Variants in PTPRD observed in about 807,000 individuals in gnomAD.
PTPRD encodes receptor-type tyrosine-protein phosphatase delta.
Under a neutral mutation model 214.5 loss-of-function variants are expected in PTPRD, and 34 were observed. That is an observed-to-expected ratio of 0.16 (90% CI 0.12 to 0.21). PTPRD has a LOEUF of 0.21. Among genes scored for constraint, PTPRD ranks in the 10% least tolerant of loss-of-function variants. PTPRD has a pLI of 1.00. For missense variants in PTPRD, 2,545 were observed against 2,398.7 expected, an observed-to-expected ratio of 1.06 and a Z score of -1.27; for synonymous variants, 1,128 against 845.7, an observed-to-expected ratio of 1.33 and a Z score of -5.79.
chr9:10,372,306 C>T (rs1248200206), intron 2 of PTPRD, among the ~76,000 whole-genome samples: 3 of 151,842 alleles, frequency 2.0e-5, no homozygotes, highest in Non-Finnish European at 4.4e-5. Flanking sequence ...TTGTTGTTTG[C>T]ATTATTTGAC....
At chr9:9,518,964 G>C (rs948635289) in intron 8 of PTPRD, among the ~76,000 whole-genome samples, 2 of 151,802 alleles carry the variant, frequency 1.3e-5, no homozygotes, top group Non-Finnish European at 2.9e-5. Flanking sequence ...TGTTCTTTCT[G>C]TATGTGGACC....
At chr9:9,745,789 T>A (rs994938009) in intron 6 of PTPRD, among the ~76,000 whole-genome samples, 1 of 152,094 alleles carries the variant, frequency 6.6e-6, no homozygotes, top group African/African-American at 2.4e-5. Flanking sequence ...TAAAGTGTGT[T>A]CCCTGACCCC....
chr9:8,606,274 G>C (rs148811414), intron 14 of PTPRD, among the ~76,000 whole-genome samples: 1 of 152,042 alleles, frequency 6.6e-6, no homozygotes, highest in African/African-American at 2.4e-5. Flanking sequence ...GTAGCCAATA[G>C]GCATGATTCT....
intron 9 of PTPRD, among the ~76,000 whole-genome samples, chr9:9,214,269 G>A (rs921676695): frequency 6.6e-6 from 1 of 152,264 alleles, no homozygotes; most frequent in African/African-American, 2.4e-5. Flanking sequence ...TGTGTTCCCC[G>A]ATATGGTCCA....
intron 14 of PTPRD, among the ~76,000 whole-genome samples, chr9:8,552,048 T>A (rs1056942561): frequency 2.2e-4 from 33 of 152,180 alleles, no homozygotes; most frequent in African/African-American, 7.7e-4. Flanking sequence ...ACCCACCATA[T>A]ATTTTAAAGG....
intron 5 of PTPRD, among the ~76,000 whole-genome samples, chr9:9,840,023 T>G (rs73398690): frequency 1.4e-3 from 206 of 151,948 alleles, no homozygotes; most frequent in African/African-American, 4.6e-3. Flanking sequence ...AATTTTATGG[T>G]TGGTTTTTAT....
intron 3 of PTPRD, among the ~76,000 whole-genome samples, chr9:10,271,861 C>A (rs1422309574): frequency 1.3e-5 from 2 of 151,952 alleles, no homozygotes; most frequent in Non-Finnish European, 2.9e-5. Context: ...TTTCTTATAT[C>A]ATTGGAATTC....
At chr9:10,523,688 C>A (rs1590045470) in intron 2 of PTPRD, among the ~76,000 whole-genome samples, 1 of 141,328 alleles carries the variant, frequency 7.1e-6, no homozygotes, top group African/African-American at 2.6e-5. Context: ...GAGAAAGCGG[C>A]TCTAATATGT....
chr9:9,691,747 A>G (rs1346097386), intron 7 of PTPRD, among the ~76,000 whole-genome samples: 2 of 152,006 alleles, frequency 1.3e-5, no homozygotes, highest in African/African-American at 4.8e-5. Flanking sequence ...CACCAATAGT[A>G]TACAAGGCTT....
At chr9:10,360,289 T>A in intron 2 of PTPRD, among the ~76,000 whole-genome samples, 1 of 152,254 alleles carries the variant, frequency 6.6e-6, no homozygotes, top group South Asian at 2.1e-4. Flanking sequence ...GTTATTGGAC[T>A]TTAATAAAAA....
intron 7 of PTPRD, among the ~76,000 whole-genome samples, chr9:9,601,004 C>A (rs2093704211): frequency 6.6e-6 from 1 of 151,666 alleles, no homozygotes. Flanking sequence ...TGAGAAATGG[C>A]TCAAAAATAT....
rs1471403047 is a variant in PTPRD, at chr9:8,525,124, C to T, written c.569-89G>A. On this transcript the variant is annotated intron_variant, in intron 17 of 45. Transcript: ENST00000381196. ...CTAAACCTCTTAACAATATGAAAAG[C>T]CCTGCAAAGCGAAGGTCCACTCAAC... The T allele has an allele frequency of 6.2e-6, 7 of 1,120,018 alleles. No individual in the cohort carries two copies. The African/African-American group carries it at 1.1e-4, about 17-fold the overall frequency. The allele number at this position is 1,120,018 out of a possible 1,614,324, so 69.4% of individuals were successfully genotyped here. A position where few individuals can be genotyped will look rare whatever the true frequency, so the allele number is the denominator to read the frequency against.
At chr9:9,874,100 TAG>T (rs1162655961) in intron 5 of PTPRD, among the ~76,000 whole-genome samples, 1 of 152,092 alleles carries the variant, frequency 6.6e-6, no homozygotes, top group East Asian at 1.9e-4. Context: ...CCTTGTAGAA[TAG>T]AGAGTGGTCT....
At chr9:8,728,004 T>C (rs1353062728) in intron 12 of PTPRD, among the ~76,000 whole-genome samples, 1 of 152,148 alleles carries the variant, frequency 6.6e-6, no homozygotes, top group African/African-American at 2.4e-5. Context: ...TCCCAGCAAT[T>C]TGGGAGGCCA....
At chr9:9,351,520 A>T (rs76697402) in intron 9 of PTPRD, among the ~76,000 whole-genome samples, 1,836 of 152,114 alleles carry the variant, frequency 0.012, 34 homozygotes, top group African/African-American at 0.042. Flanking sequence ...GTTCACGTGA[A>T]CCTTCCTAGG....
At chr9:10,601,992 T>C (rs1433190219) in intron 2 of PTPRD, among the ~76,000 whole-genome samples, 2 of 151,848 alleles carry the variant, frequency 1.3e-5, no homozygotes, top group Admixed American at 6.6e-5. Context: ...TTTACATATC[T>C]TTCACACCTG....
intron 11 of PTPRD, among the ~76,000 whole-genome samples, chr9:8,777,134 C>T (rs970199592): frequency 6.6e-5 from 10 of 151,806 alleles, no homozygotes; most frequent in Admixed American, 1.3e-4. Context: ...TGCGTGCCAC[C>T]GCGCCTAATT....
intron 12 of PTPRD, among the ~76,000 whole-genome samples, chr9:8,715,539 A>G (rs994436582): frequency 6.6e-6 from 1 of 152,242 alleles, no homozygotes; most frequent in African/African-American, 2.4e-5. Context: ...AAATAGCAAA[A>G]TACAGGATTT....
chr9:8,328,321 T>C (rs1008650690), intron 44 of PTPRD, among the ~76,000 whole-genome samples: 2 of 152,198 alleles, frequency 1.3e-5, no homozygotes, highest in African/African-American at 4.8e-5. Flanking sequence ...AAAAGTCTTT[T>C]CTTTAGGAAT....
Sources: gnomAD v4.1 joint callset for allele counts (sites outside exome capture counted in the v4.1 genomes callset) on GRCh38, gnomAD v4.1.1 for gene constraint, MANE v1.5 for transcripts, NCBI Gene and HGNC (gene_info 2026-07-23, HGNC 2026-07-21) for gene names.